Variants in CACNA1D observed in about 807,000 individuals in gnomAD.
CACNA1D encodes the protein voltage-dependent L-type calcium channel subunit alpha-1D.
In CACNA1D, 55 loss-of-function variants were observed where a neutral mutation model predicts 257.1. The observed-to-expected ratio is 0.21, with a 90% CI of 0.17 to 0.27. The LOEUF is 0.27. Among genes scored for constraint, CACNA1D ranks in the 10% least tolerant of loss-of-function variants. The probability of loss-of-function intolerance (pLI) is 1.00; values close to 1 mark genes in which losing one functional copy is unlikely to be tolerated. For missense variants in CACNA1D, 1,876 were observed against 2,784.0 expected (o/e 0.67, Z 7.34); for synonymous variants, 980 against 1,014.9 (o/e 0.97, Z 0.65).
rs1213975382 is a variant in CACNA1D, at chr3:53,751,684, A to G, written c.3517-65A>G. The G allele has an allele frequency of 2.0e-5, 31 of 1,549,998 alleles. No individual in the cohort carries two copies. The highest frequency in any genetic ancestry group is 2.5e-5 in the Non-Finnish European group (28 of 1,122,518). ...AGGGTGAGCTCTTTCAGAGCAGATG[A>G]CCACGGGGTCCTCCTTCCCTGCAAG... On this transcript the variant is annotated intron_variant, in intron 27 of 47. Coordinates refer to ENST00000350061, the MANE Select transcript of CACNA1D (RefSeq NM_001128840.3). The surrounding 1 kb of genome is among the most constrained non-coding windows in gnomAD (Gnocchi z 4.3).
At chr3:53,722,235 A>C in intron 11 of CACNA1D, 79 bp from the exon 12 acceptor site, 3 of 1,551,882 alleles carry the variant, frequency 1.9e-6, no homozygotes. Context: ...GTGAAAGCCA[A>C]ATTATCTCTC....
intron 8 of CACNA1D, among the ~76,000 whole-genome samples, chr3:53,690,595 C>A (rs907942496): frequency 1.3e-5 from 2 of 152,172 alleles, no homozygotes. Context: ...ACTCCCCCTG[C>A]GGGGGGATCT....
rs1271410160 is a variant in CACNA1D at position 53,776,486 on chromosome 3, C to T, written c.4363-117C>T. On this transcript the variant is annotated intron_variant, in intron 35 of 47. Coordinates refer to ENST00000350061, the MANE Select transcript of CACNA1D (RefSeq NM_001128840.3). ...TTCTCCAAATAGAAAGTTTTTACAA[C>T]TTCTCTTGGAGACATGGGTTCCCAT... 7.8e-5 allele frequency: 97 copies of T among 1,245,226 alleles called. 2 individuals are homozygous for T. In the East Asian group the frequency reaches 2.3e-3, roughly 30 times the overall value. The allele number at this position is 1,245,226 out of a possible 1,614,324, so 77.1% of individuals were successfully genotyped here.
intron 3 of CACNA1D, among the ~76,000 whole-genome samples, chr3:53,638,080 C>T (rs576403936): frequency 6.6e-6 from 1 of 152,176 alleles, no homozygotes; most frequent in African/African-American, 2.4e-5. Context: ...TGGAGACGTT[C>T]GTATGAAAGA....
At chr3:53,570,637 G>T (rs2107685556) in intron 3 of CACNA1D, among the ~76,000 whole-genome samples, 1 of 152,336 alleles carries the variant, frequency 6.6e-6, no homozygotes, top group South Asian at 2.1e-4. Context: ...GAACAAAGAA[G>T]TTAAGATAGC....
intron 20 of CACNA1D, among the ~76,000 whole-genome samples, chr3:53,736,609 TGGCTG>T (rs1456343849): frequency 6.6e-6 from 1 of 152,112 alleles, no homozygotes; most frequent in Non-Finnish European, 1.5e-5. Context: ...AGTTATTAAT[TGGCTG>T]GGCGTGGTGG....
intron 7 of CACNA1D, among the ~76,000 whole-genome samples, chr3:53,672,769 TGTGTG>T (rs2094336194): frequency 1.7e-5 from 1 of 57,508 alleles, no homozygotes; most frequent in African/African-American, 8.0e-5. Flanking sequence ...TGTGTGTGTG[TGTGTG>T]TGTGTGTGTG....
At chr3:53,775,029 C>CG (rs2095389223) in intron 34 of CACNA1D, among the ~76,000 whole-genome samples, 2 of 152,156 alleles carry the variant, frequency 1.3e-5, no homozygotes, top group Admixed American at 6.5e-5. Context: ...TTAGCAAAAA[C>CG]GTCAAGGCCT....
At chr3:53,677,260 G>C (rs1244145250) in intron 8 of CACNA1D, among the ~76,000 whole-genome samples, 1 of 152,144 alleles carries the variant, frequency 6.6e-6, no homozygotes, top group Non-Finnish European at 1.5e-5. Context: ...AGGCTCCCAG[G>C]ATGTGGCTCC....
intron 3 of CACNA1D, among the ~76,000 whole-genome samples, chr3:53,584,606 G>A (rs146288587): frequency 6.6e-6 from 1 of 152,178 alleles, no homozygotes; most frequent in Admixed American, 6.5e-5. Context: ...CTGCTCTCAG[G>A]GAGCTCACCT....
chr3:53,499,823 A>C (rs183363323), intron 2 of CACNA1D, among the ~76,000 whole-genome samples: 2 of 152,238 alleles, frequency 1.3e-5, no homozygotes, highest in Admixed American at 1.3e-4. Flanking sequence ...GGAGAACAAC[A>C]TTGGGGCCCT....
At chr3:53,699,721 A>G (rs1454798751) in intron 8 of CACNA1D, among the ~76,000 whole-genome samples, 1 of 152,206 alleles carries the variant, frequency 6.6e-6, no homozygotes, top group African/African-American at 2.4e-5. Flanking sequence ...GCCATTCAGA[A>G]CTGTCTAAAA....
At chr3:53,795,779 G>A (rs1576692793) in intron 40 of CACNA1D, among the ~76,000 whole-genome samples, 1 of 152,202 alleles carries the variant, frequency 6.6e-6, no homozygotes, top group Admixed American at 6.5e-5. Flanking sequence ...GAAACGGAGA[G>A]CTCTCAGATT....
intron 8 of CACNA1D, among the ~76,000 whole-genome samples, chr3:53,696,919 A>G (rs1332164410): frequency 2.1e-5 from 3 of 141,614 alleles, no homozygotes; most frequent in East Asian, 4.4e-4. Flanking sequence ...GTAGGATGCC[A>G]CCAGGGGGAA....
At chr3:53,581,282 A>G (rs1335241353) in intron 3 of CACNA1D, among the ~76,000 whole-genome samples, 1 of 152,166 alleles carries the variant, frequency 6.6e-6, no homozygotes, top group African/African-American at 2.4e-5. Flanking sequence ...GTGTCATTTT[A>G]CCTAAATAAA....
rs139694428 is a variant in CACNA1D, at chr3:53,752,688, G to A, written c.3675+781G>A. 5.3e-5 allele frequency among the ~76,000 whole-genome samples: 8 copies of A among 152,292 alleles called. No individual in the cohort carries two copies. The East Asian group carries it at 5.8e-4, about 11-fold the overall frequency. On this transcript the variant is annotated intron_variant, in intron 28 of 47. Transcript: ENST00000350061. ...GCTGGTATTACAGGCGTGAGCCACC[G>A]CGCCCGGCACCTTTGGACACTTTGA...
At chr3:53,648,340 A>T (rs2094045025) in intron 3 of CACNA1D, among the ~76,000 whole-genome samples, 1 of 152,162 alleles carries the variant, frequency 6.6e-6, no homozygotes. Context: ...TCAGGGTCTG[A>T]TGTGAGCACT....
intron 8 of CACNA1D, among the ~76,000 whole-genome samples, chr3:53,696,293 C>T (rs2094572668): frequency 6.6e-6 from 1 of 152,238 alleles, no homozygotes; most frequent in South Asian, 2.1e-4. Context: ...GATCCTCATC[C>T]TCCTGGTGTC....
intron 29 of CACNA1D, among the ~76,000 whole-genome samples, chr3:53,760,750 G>T (rs1350106612): frequency 1.3e-5 from 2 of 152,238 alleles, no homozygotes; most frequent in Non-Finnish European, 2.9e-5. Flanking sequence ...CCTCAAAATT[G>T]TTGCAAGATA....
Sources: gnomAD v4.1 joint callset for allele counts (sites outside exome capture counted in the v4.1 genomes callset) on GRCh38, gnomAD v4.1.1 for gene constraint, Gnocchi (gnomAD v3.1) non-coding constraint, MANE v1.5 for transcripts, NCBI Gene and HGNC (gene_info 2026-07-23, HGNC 2026-07-21) for gene names.